The following DLG2 variants were observed in gnomAD, a reference collection of about 807,000 sequenced individuals.
The protein encoded by DLG2 is disks large homolog 2.
A neutral mutation model predicts 132.5 loss-of-function variants in DLG2; 45 were observed. The ratio of observed to expected loss-of-function variants is 0.34; its 90% confidence interval spans 0.27 to 0.44. The LOEUF is 0.44. DLG2 is among the 20% of genes least tolerant of loss of function. The pLI is 1.00. For synonymous variants in DLG2, 424 were observed against 419.6 expected, an observed-to-expected ratio of 1.01 and a Z score of -0.13; for missense variants, 1,045 against 1,196.9, an observed-to-expected ratio of 0.87 and a Z score of 1.87.
intron 6 of DLG2, among the ~76,000 whole-genome samples, chr11:84,768,043 C>G (rs1347652755): frequency 6.6e-6 from 1 of 152,158 alleles, no homozygotes; most frequent in Admixed American, 6.5e-5. Context: ...CTTTCCACAT[C>G]TCAGCAATGT....
At chr11:85,145,187 G>C (rs147414534) in intron 5 of DLG2, among the ~76,000 whole-genome samples, 1 of 152,076 alleles carries the variant, frequency 6.6e-6, no homozygotes, top group African/African-American at 2.4e-5. Context: ...CCACTGAAAA[G>C]GTTGTTGCCA....
At chr11:84,007,119 C>A (rs774841099) in intron 11 of DLG2, among the ~76,000 whole-genome samples, 1 of 151,622 alleles carries the variant, frequency 6.6e-6, no homozygotes. Context: ...CAGCTTGCAT[C>A]CTAGGAAAGA....
At chr11:85,281,762 A>G (rs1184290796) in intron 4 of DLG2, among the ~76,000 whole-genome samples, 4 of 152,072 alleles carry the variant, frequency 2.6e-5, no homozygotes, top group Admixed American at 2.6e-4. Flanking sequence ...GTTGGCAGAA[A>G]TGCAAATTAG....
chr11:83,558,289 T>C (rs1294699353), intron 19 of DLG2, among the ~76,000 whole-genome samples: 1 of 152,222 alleles, frequency 6.6e-6, no homozygotes, highest in Non-Finnish European at 1.5e-5. Context: ...TAGTGTTGTT[T>C]TGATAAAACT....
chr11:84,826,952 T>C (rs1026612765), intron 6 of DLG2, among the ~76,000 whole-genome samples: 2 of 151,876 alleles, frequency 1.3e-5, no homozygotes, highest in African/African-American at 4.8e-5. Flanking sequence ...ATAGACTTTC[T>C]AACAAGGTTT....
At chr11:84,052,308 A>T (rs753709104) in intron 11 of DLG2, among the ~76,000 whole-genome samples, 1 of 151,882 alleles carries the variant, frequency 6.6e-6, no homozygotes, top group Non-Finnish European at 1.5e-5. Flanking sequence ...ATATGCATAC[A>T]TGCATGCATA....
At position 84,821,645 on chromosome 11, in the gene DLG2, C is replaced by CA. The variant is rs2077702786; in HGVS notation, c.358-286915dup. Among the ~76,000 whole-genome samples, 5 of 103,604 alleles carry CA rather than the reference C, an allele frequency of 4.8e-5. No homozygotes were observed. In the East Asian group the frequency reaches 6.4e-4, roughly 13 times the overall value. The allele number at this position is 103,604 out of a possible 152,430, so 68.0% of individuals were successfully genotyped here. ...TACAATGTAAAAAAAAAAAAAACAA[C>CA]AACAACAAAAAAAACAAAAAAACAA... On this transcript the variant is annotated intron_variant, in intron 6 of 27. Transcript: ENST00000376104.
intron 9 of DLG2, among the ~76,000 whole-genome samples, chr11:84,116,813 C>G (rs2093655318): frequency 6.6e-6 from 1 of 152,194 alleles, no homozygotes; most frequent in African/African-American, 2.4e-5. Context: ...TTTTAAGTGT[C>G]AAATGAATGT....
At chr11:83,679,427 G>A (rs1005335957) in intron 18 of DLG2, among the ~76,000 whole-genome samples, 1 of 152,076 alleles carries the variant, frequency 6.6e-6, no homozygotes, top group African/African-American at 2.4e-5. Flanking sequence ...TTATTTCCAT[G>A]TTCTCTATTT....
intron 18 of DLG2, among the ~76,000 whole-genome samples, chr11:83,684,219 A>G (rs985406460): frequency 1.3e-5 from 2 of 152,074 alleles, no homozygotes; most frequent in Non-Finnish European, 2.9e-5. Flanking sequence ...GCCACTGGTG[A>G]GGTCTCTATC....
chr11:84,918,878 A>T (rs552782799), intron 6 of DLG2, among the ~76,000 whole-genome samples: 2 of 152,288 alleles, frequency 1.3e-5, no homozygotes, highest in South Asian at 4.1e-4. Context: ...GAAATGTGAG[A>T]TTCGCTTAAT....
At chr11:85,089,174 T>TGTTA (rs1283788657) in intron 6 of DLG2, among the ~76,000 whole-genome samples, 1 of 152,136 alleles carries the variant, frequency 6.6e-6, no homozygotes, top group Non-Finnish European at 1.5e-5. Context: ...TGTGCAGGTA[T>TGTTA]GTTACATGCA....
chr11:85,198,480 A>C (rs1256659997), intron 4 of DLG2, among the ~76,000 whole-genome samples: 2 of 152,308 alleles, frequency 1.3e-5, no homozygotes, highest in African/African-American at 4.8e-5. Flanking sequence ...TTCTAGAACT[A>C]AATCAATTTA....
chr11:84,435,130 T>C (rs549882891), intron 7 of DLG2, among the ~76,000 whole-genome samples: 1 of 152,272 alleles, frequency 6.6e-6, no homozygotes, highest in African/African-American at 2.4e-5. Flanking sequence ...ATATCGTTAG[T>C]AGCACTTTAC....
chr11:84,677,879 ACT>A (rs745963331), intron 6 of DLG2, among the ~76,000 whole-genome samples: 47 of 151,952 alleles, frequency 3.1e-4, no homozygotes, highest in African/African-American at 9.6e-4. Flanking sequence ...AAAGAGTGAG[ACT>A]CTGTCTCAAA....
intron 18 of DLG2, among the ~76,000 whole-genome samples, chr11:83,687,872 T>C (rs758532884): frequency 3.3e-5 from 5 of 151,968 alleles, no homozygotes; most frequent in Non-Finnish European, 7.4e-5. Context: ...CATGATGGCA[T>C]ACATCTGAAG....
chr11:84,892,307 T>G (rs1304166067), intron 6 of DLG2, among the ~76,000 whole-genome samples: 1 of 152,144 alleles, frequency 6.6e-6, no homozygotes, highest in African/African-American at 2.4e-5. Flanking sequence ...AGAACTATAT[T>G]CATGCTGTAA....
intron 26 of DLG2, among the ~76,000 whole-genome samples, chr11:83,465,084 A>C (rs1347575595): frequency 3.3e-5 from 5 of 152,132 alleles, no homozygotes; most frequent in Non-Finnish European, 5.9e-5. Flanking sequence ...TCATTAGTAC[A>C]TATTTTTCCA....
chr11:85,096,319 C>G (rs2069762299), intron 6 of DLG2, among the ~76,000 whole-genome samples: 1 of 152,182 alleles, frequency 6.6e-6, no homozygotes, highest in Non-Finnish European at 1.5e-5. Flanking sequence ...TCCACACTAC[C>G]TTTATGAGCT....
Sources: gnomAD v4.1 joint callset for allele counts (sites outside exome capture counted in the v4.1 genomes callset) on GRCh38, gnomAD v4.1.1 for gene constraint, MANE v1.5 for transcripts, NCBI Gene and HGNC (gene_info 2026-07-23, HGNC 2026-07-21) for gene names.